Variants in AMMECR1 observed in about 807,000 individuals in gnomAD.
AMMECR1 encodes the protein AMMECR nuclear protein 1.
A neutral mutation model predicts 22.5 loss-of-function variants in AMMECR1; 3 were observed. The ratio of observed to expected loss-of-function variants is 0.13; its 90% CI spans 0.06 to 0.35. The LOEUF is 0.35. AMMECR1 is among the 10% of genes least tolerant of loss of function. AMMECR1 has a pLI of 1.00. For synonymous variants in AMMECR1, 130 were observed against 116.7 expected (o/e 1.11, Z -0.74); for missense variants, 235 against 278.7 (o/e 0.84, Z 1.12).
chrX:110,342,221 A>G (rs981243944), intron 2 of AMMECR1, among the ~76,000 whole-genome samples: 2 of 111,999 alleles, frequency 1.8e-5, no homozygotes, highest in Non-Finnish European at 3.8e-5. Flanking sequence ...TGTATGGGAA[A>G]AAACATAGTG....
chrX:110,346,449 A>G lies in AMMECR1; in HGVS notation c.-147-28600T>C, dbSNP rs2068189406. Among the ~76,000 whole-genome samples the G allele has an allele frequency of 2.7e-5, 3 of 112,563 alleles. No homozygotes were observed. The Admixed American group carries it at 2.8e-4, about 11-fold the overall frequency. On this transcript the variant is annotated intron_variant, in intron 2 of 7. Coordinates refer to the AMMECR1 transcript ENST00000372057. ...GTTTTCACTAATATGATATTGCTAAATATCATTTTTTAAAACTTGCACACT... is the reference window on the plus strand; with the variant it reads ...GTTTTCACTAATATGATATTGCTAAGTATCATTTTTTAAAACTTGCACACT...
At chrX:110,391,601 T>C (rs2068494004) in intron 2 of AMMECR1, among the ~76,000 whole-genome samples, 1 of 112,195 alleles carries the variant, frequency 8.9e-6, no homozygotes, top group Non-Finnish European at 1.9e-5. Context: ...TTTAGGAATG[T>C]CTTCTGCTGT....
chrX:110,287,003 T>C (rs2067883758), intron 1 of AMMECR1, among the ~76,000 whole-genome samples: 1 of 111,929 alleles, frequency 8.9e-6, no homozygotes, highest in Non-Finnish European at 1.9e-5. Flanking sequence ...TTAAAAGAGA[T>C]AATGGTCTTA....
intron 2 of AMMECR1, among the ~76,000 whole-genome samples, chrX:110,336,946 G>A (rs1380019702): frequency 9.0e-6 from 1 of 110,892 alleles, no homozygotes; most frequent in Non-Finnish European, 1.9e-5. Flanking sequence ...AAATCATGTA[G>A]GTTTTATACA....
chrX:110,381,569 T>G (rs1402714769), intron 2 of AMMECR1, among the ~76,000 whole-genome samples: 1 of 112,029 alleles, frequency 8.9e-6, no homozygotes, highest in East Asian at 2.8e-4. Context: ...GTCCTCTTAC[T>G]GGGTATATAT....
intron 2 of AMMECR1, among the ~76,000 whole-genome samples, chrX:110,369,259 G>C (rs896576085): frequency 4.5e-5 from 5 of 111,284 alleles, no homozygotes; most frequent in African/African-American, 9.8e-5. Context: ...TTGAACCCGG[G>C]GGGTGGAGGT....
chrX:110,409,553 C>A (rs1185633974), intron 2 of AMMECR1, among the ~76,000 whole-genome samples: 1 of 111,366 alleles, frequency 9.0e-6, no homozygotes, highest in South Asian at 3.8e-4. Context: ...TACGTATAAT[C>A]TGTCAATGCC....
intron 2 of AMMECR1, among the ~76,000 whole-genome samples, chrX:110,330,031 A>G (rs1023337000): frequency 1.8e-5 from 2 of 111,513 alleles, no homozygotes; most frequent in Non-Finnish European, 3.8e-5. Context: ...AAATCACAAA[A>G]TTGAGCTGAT....
In AMMECR1 at chrX:110,384,377, T is replaced by C. The variant is rs540044700; in HGVS notation, c.-148+42281A>G. Among the ~76,000 whole-genome samples the C allele has an allele frequency of 8.1e-5, 9 of 111,388 alleles. No homozygotes were observed. In the East Asian group the frequency reaches 2.5e-3, roughly 31 times the overall value. ...TCAATCTTCCTGAGCCTCAGTTTCCTCATCTATAAAATGAGGATGATAATA... is the reference window on the plus strand; with the variant it reads ...TCAATCTTCCTGAGCCTCAGTTTCCCCATCTATAAAATGAGGATGATAATA... On this transcript the variant is annotated intron_variant, in intron 2 of 7. Coordinates refer to the AMMECR1 transcript ENST00000372057.
At chrX:110,283,422 CTG>C (rs2067862944) in intron 1 of AMMECR1, among the ~76,000 whole-genome samples, 1 of 112,295 alleles carries the variant, frequency 8.9e-6, no homozygotes, top group South Asian at 3.6e-4. Flanking sequence ...TTGTCTTAGT[CTG>C]TTTGGACTAT....
intron 1 of AMMECR1, among the ~76,000 whole-genome samples, chrX:110,266,363 A>T (rs1347048410): frequency 9.0e-6 from 1 of 111,583 alleles, no homozygotes; most frequent in Non-Finnish European, 1.9e-5. Flanking sequence ...AATCTGGCAT[A>T]GTCAATATCA....
At chrX:110,378,998 G>C (rs1432322744) in intron 2 of AMMECR1, among the ~76,000 whole-genome samples, 1 of 111,874 alleles carries the variant, frequency 8.9e-6, no homozygotes. Context: ...AGCAAGCACA[G>C]CTTCTCCATG....
At chrX:110,250,689 T>G (rs1280012090) in intron 2 of AMMECR1, among the ~76,000 whole-genome samples, 1 of 111,780 alleles carries the variant, frequency 8.9e-6, no homozygotes. Flanking sequence ...AGTTCAGAGG[T>G]GTTTGAAATG....
chrX:110,307,723 T>C (rs2068003800), intron 1 of AMMECR1, among the ~76,000 whole-genome samples: 1 of 110,896 alleles, frequency 9.0e-6, no homozygotes, highest in African/African-American at 3.3e-5. Flanking sequence ...CTTCCAGAGT[T>C]ATGTAGAGGC....
At position 110,432,300 on chromosome X, in the gene AMMECR1, G is replaced by A. The variant is rs189933681; in HGVS notation, c.-293-5497C>T. The stretch of plus-strand genomic sequence containing the variant: ...CTTGCAAGACGGGGAGCCACATGGC[G>A]GCTTCCTACTCCCTTGTACCACTAC... On this transcript the variant is annotated intron_variant, in intron 1 of 7. Coordinates refer to the AMMECR1 transcript ENST00000372057. 6.8e-3 allele frequency among the ~76,000 whole-genome samples: 767 copies of A among 112,224 alleles called. 4 individuals are homozygous for A. The highest frequency in any genetic ancestry group is 0.023 in the African/African-American group (695 of 30,839).
Position 110,210,243 on chromosome X carries a change from C to T in AMMECR1, c.699+6275G>A, listed in dbSNP as rs773165848. On this transcript the variant is annotated intron_variant, in intron 3 of 5. Transcript: ENST00000262844. ...CTGAAGCCTTCCTTTCCCAACACTC[C>T]ACGGCACTTAAAAAAAAAAAAAACA... 1.0e-4 allele frequency among the ~76,000 whole-genome samples: 11 copies of T among 107,814 alleles called. No individual in the cohort carries two copies. The East Asian group carries it at 3.2e-3, about 31-fold the overall frequency. The allele number at this position is 107,814 out of a possible 115,157, so 93.6% of individuals were successfully genotyped here.
chrX:110,338,708 A>G (rs2068150292), intron 2 of AMMECR1, among the ~76,000 whole-genome samples: 1 of 111,400 alleles, frequency 9.0e-6, no homozygotes, highest in Non-Finnish European at 1.9e-5. Flanking sequence ...CACTCAATGG[A>G]TTTTGTTCTG....
Position 110,230,233 on chromosome X carries a change from C to T in AMMECR1, c.585-13601G>A, listed in dbSNP as rs771391245. ...GGTCCCTGACCCCCGTGTAGCCTAA[C>T]TGGGAGACACCTCCCAGTAGGGTCC... On this transcript the variant is annotated intron_variant, in intron 2 of 5. Coordinates refer to ENST00000262844, the MANE Select transcript of AMMECR1 (RefSeq NM_015365.3). Among the ~76,000 whole-genome samples the T allele has an allele frequency of 3.5e-5, 4 of 112,767 alleles. No homozygotes were observed. In the East Asian group the frequency reaches 1.1e-3, roughly 32 times the overall value.
intron 2 of AMMECR1, among the ~76,000 whole-genome samples, chrX:110,257,398 G>A (rs140502675): frequency 0.029 from 3,301 of 111,973 alleles, 120 homozygotes; most frequent in African/African-American, 0.1. Flanking sequence ...GCTAATGTTT[G>A]GTAAACTCCC....
Sources: allele counts gnomAD v4.1 joint callset (sites outside exome capture counted in the v4.1 genomes callset), GRCh38; gene constraint gnomAD v4.1.1; transcripts MANE v1.5; gene names NCBI Gene and HGNC (gene_info 2026-07-23, HGNC 2026-07-21).